Variants in SAMMSON observed in about 807,000 individuals in gnomAD.
The protein encoded by SAMMSON is long intergenic non-protein coding RNA 1212.
At chr3:70,137,407 G>A (rs2067510373) in intron 4 of SAMMSON, among the ~76,000 whole-genome samples, 1 of 152,094 alleles carries the variant, frequency 6.6e-6, no homozygotes. Flanking sequence ...TTGAATGATT[G>A]GGGGAAAATT....
chr3:70,354,219 C>G (rs1702813862), exon 8 of SAMMSON: 1 of 152,262 alleles, frequency 6.6e-6, no homozygotes, highest in Middle Eastern at 3.4e-3. Context: ...TAAAAGTACC[C>G]TTCTCTATGG....
At chr3:70,198,426 T>C (rs1459686571) in intron 4 of SAMMSON, among the ~76,000 whole-genome samples, 1 of 152,194 alleles carries the variant, frequency 6.6e-6, no homozygotes, top group Non-Finnish European at 1.5e-5. Flanking sequence ...TTTTCTTTCA[T>C]TATTCATATA....
chr3:70,277,901 T>A (rs941691455), intron 6 of SAMMSON, among the ~76,000 whole-genome samples: 1 of 152,154 alleles, frequency 6.6e-6, no homozygotes, highest in East Asian at 1.9e-4. Flanking sequence ...AGGAAGATGA[T>A]TGAGACCCTA....
At chr3:70,124,215 A>C (rs999604878) in intron 4 of SAMMSON, among the ~76,000 whole-genome samples, 2 of 152,174 alleles carry the variant, frequency 1.3e-5, no homozygotes, top group African/African-American at 4.8e-5. Context: ...ACCTCACAGA[A>C]CTTATTAGAT....
intron 6 of SAMMSON, among the ~76,000 whole-genome samples, chr3:70,286,776 T>A (rs1702168916): frequency 6.6e-6 from 1 of 152,174 alleles, no homozygotes. Context: ...GTCCTTCACA[T>A]CCCTTATAAG....
intron 7 of SAMMSON, among the ~76,000 whole-genome samples, chr3:70,336,855 T>TGTGTC (rs1702664579): frequency 6.9e-6 from 1 of 144,602 alleles, no homozygotes; most frequent in Non-Finnish European, 1.5e-5. Context: ...TGTGTGTGTG[T>TGTGTC]GTGGAGAGAG....
chr3:70,144,581 A>G (rs575763654), intron 4 of SAMMSON, among the ~76,000 whole-genome samples: 1 of 152,246 alleles, frequency 6.6e-6, no homozygotes, highest in South Asian at 2.1e-4. Flanking sequence ...AAATCTGATT[A>G]TGTTACTGAT....
At chr3:70,215,269 G>A (rs1259196638) in intron 4 of SAMMSON, among the ~76,000 whole-genome samples, 1 of 152,030 alleles carries the variant, frequency 6.6e-6, no homozygotes, top group Non-Finnish European at 1.5e-5. Context: ...GCTGGTAAGG[G>A]GCAGAGCTAG....
chr3:70,058,877 A>C (rs1015346859), intron 3 of SAMMSON, among the ~76,000 whole-genome samples: 1 of 152,136 alleles, frequency 6.6e-6, no homozygotes, highest in African/African-American at 2.4e-5. Context: ...CACAGCTACC[A>C]TGAAGTGGAA....
chr3:70,184,535 A>C (rs1022724745), intron 4 of SAMMSON, among the ~76,000 whole-genome samples: 1 of 152,184 alleles, frequency 6.6e-6, no homozygotes, highest in African/African-American at 2.4e-5. Flanking sequence ...TATTATGAAA[A>C]TTTTTGATAG....
At chr3:70,238,121 A>G (rs981436946) in intron 4 of SAMMSON, among the ~76,000 whole-genome samples, 4 of 151,286 alleles carry the variant, frequency 2.6e-5, no homozygotes, top group African/African-American at 9.7e-5. Flanking sequence ...CAGACATATG[A>G]TAGCCAGAGT....
intron 9 of SAMMSON, among the ~76,000 whole-genome samples, chr3:70,366,953 T>C (rs559826980): frequency 6.6e-6 from 1 of 151,752 alleles, no homozygotes; most frequent in Non-Finnish European, 1.5e-5. Flanking sequence ...TTTATATTCT[T>C]ATTTGTCATC....
intron 4 of SAMMSON, among the ~76,000 whole-genome samples, chr3:70,153,681 TC>T (rs925916551): frequency 2.0e-5 from 3 of 152,012 alleles, no homozygotes; most frequent in African/African-American, 7.2e-5. Flanking sequence ...TAAAAAACTC[TC>T]AACATTCTTT....
At chr3:70,036,519 C>G (rs1032938391) in intron 3 of SAMMSON, among the ~76,000 whole-genome samples, 2 of 152,112 alleles carry the variant, frequency 1.3e-5, no homozygotes, top group Non-Finnish European at 2.9e-5. Flanking sequence ...GCATATAACC[C>G]AATTCTGACC....
At chr3:70,063,225 A>C (rs1004958846) in intron 3 of SAMMSON, among the ~76,000 whole-genome samples, 8 of 152,020 alleles carry the variant, frequency 5.3e-5, no homozygotes, top group African/African-American at 1.9e-4. Context: ...TCAACCCTGC[A>C]CATTGAGAAC....
At chr3:70,167,597 A>G (rs1380086326) in intron 4 of SAMMSON, among the ~76,000 whole-genome samples, 2 of 151,820 alleles carry the variant, frequency 1.3e-5, no homozygotes, top group Non-Finnish European at 2.9e-5. Context: ...CCTTTCAGCT[A>G]CCTCCTAAGA....
intron 4 of SAMMSON, among the ~76,000 whole-genome samples, chr3:70,248,609 A>C (rs918497128): frequency 6.6e-6 from 1 of 152,146 alleles, no homozygotes; most frequent in African/African-American, 2.4e-5. Context: ...ACAAGATTGG[A>C]TTAGAAGAGC....
intron 3 of SAMMSON, among the ~76,000 whole-genome samples, chr3:70,031,857 T>C (rs2107584023): frequency 6.6e-6 from 1 of 152,238 alleles, no homozygotes; most frequent in African/African-American, 2.4e-5. Flanking sequence ...AATACAGCCA[T>C]CAGCACAGTA....
intron 4 of SAMMSON, among the ~76,000 whole-genome samples, chr3:70,087,238 T>C (rs1478501072): frequency 6.6e-6 from 1 of 152,200 alleles, no homozygotes; most frequent in Non-Finnish European, 1.5e-5. Context: ...CTTTGGGCCA[T>C]AAATTGTCTT....
Sources: gnomAD v4.1 joint callset for allele counts (sites outside exome capture counted in the v4.1 genomes callset) on GRCh38, gnomAD v4.1.1 for gene constraint, MANE v1.5 for transcripts, NCBI Gene and HGNC (gene_info 2026-07-23, HGNC 2026-07-21) for gene names.